Variants in AMBRA1 observed in about 807,000 individuals in gnomAD.
AMBRA1 encodes the protein autophagy and beclin 1 regulator 1.
Under a neutral mutation model 125.4 loss-of-function variants are expected in AMBRA1, and 47 were observed. That is an observed-to-expected ratio of 0.37 (90% CI 0.30 to 0.48). AMBRA1 has a LOEUF of 0.48. AMBRA1 is among the 20% of genes least tolerant of loss of function. AMBRA1 has a pLI of 0.99. For missense variants in AMBRA1, 1,331 were observed against 1,693.4 expected (o/e 0.79, Z 3.76); for synonymous variants, 626 against 655.5 (o/e 0.95, Z 0.69).
intron 11 of AMBRA1, among the ~76,000 whole-genome samples, chr11:46,474,143 AG>A (rs776293062): frequency 7.9e-5 from 12 of 152,008 alleles, no homozygotes; most frequent in Non-Finnish European, 1.5e-5. Flanking sequence ...TTACTGGTTC[AG>A]GGTGCTGCCC....
intron 11 of AMBRA1, among the ~76,000 whole-genome samples, chr11:46,471,870 C>T (rs112145742): frequency 1.4e-4 from 22 of 152,138 alleles, no homozygotes; most frequent in Non-Finnish European, 2.2e-4. Context: ...TCATGATCCA[C>T]CCACCTCGGC....
intron 11 of AMBRA1, among the ~76,000 whole-genome samples, chr11:46,481,504 C>A (rs953667270): frequency 7.9e-5 from 12 of 152,290 alleles, no homozygotes; most frequent in Middle Eastern, 3.4e-3. Context: ...GCTGGGATTA[C>A]AGGCATGCGT....
At chr11:46,589,002 A>T (rs138803423) in intron 1 of AMBRA1, among the ~76,000 whole-genome samples, 1 of 152,296 alleles carries the variant, frequency 6.6e-6, no homozygotes, top group East Asian at 1.9e-4. Context: ...ATAAGTAATA[A>T]ATGAAATAAC....
chr11:46,474,467 C>A (rs778387097), intron 11 of AMBRA1, among the ~76,000 whole-genome samples: 4 of 152,130 alleles, frequency 2.6e-5, no homozygotes, highest in African/African-American at 9.7e-5. Flanking sequence ...CGGCTCACTG[C>A]AACCTCCACC....
At position 46,552,309 on chromosome 11, in the gene AMBRA1, T is replaced by C. The variant is rs575563870; in HGVS notation, c.-120-3809A>G. On this transcript the variant is annotated intron_variant, in intron 1 of 17. Transcript: ENST00000683756. ...GCTTGAACCCAGGAGGCTGAGGCTG[T>C]AGTGAGCCAAGATGGCACCACTGCA... Among the ~76,000 whole-genome samples the C allele has an allele frequency of 2.4e-4, 31 of 129,796 alleles. No individual in the cohort carries two copies. In the South Asian group the frequency reaches 7.1e-3, roughly 30 times the overall value. The allele number at this position is 129,796 out of a possible 152,430, so 85.2% of individuals were successfully genotyped here. A position where few individuals can be genotyped will look rare whatever the true frequency, so the allele number is the denominator to read the frequency against.
At chr11:46,401,756 C>T (rs1421539543) in intron 17 of AMBRA1, among the ~76,000 whole-genome samples, 3 of 152,256 alleles carry the variant, frequency 2.0e-5, no homozygotes, top group Non-Finnish European at 2.9e-5. Flanking sequence ...GGGCTTCTTG[C>T]TTCCAGTCTC....
chr11:46,545,850 G>C, intron 4 of AMBRA1, 74 bp from the exon 5 acceptor site: 8 of 1,457,866 alleles, frequency 5.5e-6, no homozygotes, highest in Non-Finnish European at 7.6e-6. Context: ...TTCAAGAAAG[G>C]TCCATTTAAG....
intron 12 of AMBRA1, among the ~76,000 whole-genome samples, chr11:46,441,965 A>C (rs1948031868): frequency 1.3e-5 from 2 of 150,628 alleles, no homozygotes; most frequent in South Asian, 2.1e-4. Context: ...CAAAAAAAAA[A>C]AAAACTTTTT....
intron 5 of AMBRA1, among the ~76,000 whole-genome samples, chr11:46,544,257 G>A (rs180795428): frequency 1.7e-3 from 257 of 152,196 alleles, no homozygotes; most frequent in African/African-American, 5.8e-3. Context: ...CAAAAATAAC[G>A]ATTTCACATG....
chr11:46,585,055 C>T (rs980116186), intron 1 of AMBRA1, among the ~76,000 whole-genome samples: 2 of 144,234 alleles, frequency 1.4e-5, no homozygotes, highest in Admixed American at 6.7e-5. Flanking sequence ...GGCGACTGTG[C>T]TCTCTGTGCT....
intron 17 of AMBRA1, among the ~76,000 whole-genome samples, chr11:46,407,549 C>T (rs1946084324): frequency 6.6e-6 from 1 of 152,224 alleles, no homozygotes; most frequent in Non-Finnish European, 1.5e-5. Context: ...ATGGTCATGG[C>T]CCCAGCGAGG....
intron 7 of AMBRA1, chr11:46,518,158 G>C (rs541217097): frequency 4.1e-6 from 4 of 969,780 alleles, no homozygotes; most frequent in Non-Finnish European, 4.9e-6. Context: ...GGCCAGGCGC[G>C]GTGGCTCACG....
intron 1 of AMBRA1, among the ~76,000 whole-genome samples, chr11:46,575,869 C>G (rs1015646740): frequency 2.0e-5 from 3 of 152,156 alleles, no homozygotes; most frequent in Non-Finnish European, 4.4e-5. Context: ...GTCATGTGCA[C>G]CCTCACCTGA....
intron 12 of AMBRA1, among the ~76,000 whole-genome samples, chr11:46,441,800 A>C (rs189847540): frequency 2.6e-5 from 4 of 152,202 alleles, no homozygotes; most frequent in Admixed American, 2.6e-4. Context: ...AGGAGGTTTG[A>C]CCTTTCAACA....
At chr11:46,526,022 A>G (rs973022852) in intron 7 of AMBRA1, among the ~76,000 whole-genome samples, 1 of 152,158 alleles carries the variant, frequency 6.6e-6, no homozygotes, top group East Asian at 1.9e-4. Flanking sequence ...CCTGACCAAC[A>G]TGGAGAAACC....
chr11:46,545,171 G>C lies in AMBRA1; in HGVS notation c.551+433C>G, dbSNP rs866896183. Among the ~76,000 whole-genome samples the C allele has an allele frequency of 5.4e-3, 759 of 140,906 alleles. 40 individuals carry two copies. The highest frequency in any genetic ancestry group is 7.1e-3 in the Non-Finnish European group (459 of 64,338). The allele number at this position is 140,906 out of a possible 152,430, so 92.4% of individuals were successfully genotyped here. Reference sequence around the variant, plus strand: ...AAAAAAAAAAAAAGCCGGGGGGGGGGGGGTGGTGGTGGGCATGGTGGCTCA... The same window carrying C: ...AAAAAAAAAAAAAGCCGGGGGGGGGCGGGTGGTGGTGGGCATGGTGGCTCA... On this transcript the variant is annotated intron_variant, in intron 5 of 17. Coordinates refer to ENST00000683756, the MANE Select transcript of AMBRA1 (RefSeq NM_001387011.1).
At chr11:46,444,971 T>C (rs1471731871) in intron 11 of AMBRA1, among the ~76,000 whole-genome samples, 1 of 151,966 alleles carries the variant, frequency 6.6e-6, no homozygotes, top group Non-Finnish European at 1.5e-5. Flanking sequence ...TAACAGTTCA[T>C]TTCCAAAATG....
At chr11:46,459,630 G>C (rs778021583) in intron 11 of AMBRA1, among the ~76,000 whole-genome samples, 1 of 151,494 alleles carries the variant, frequency 6.6e-6, no homozygotes, top group Non-Finnish European at 1.5e-5. Flanking sequence ...AGAATTGCTC[G>C]GACCTGGGAG....
chr11:46,507,129 A>G (rs1035580099), intron 9 of AMBRA1, among the ~76,000 whole-genome samples: 6 of 129,250 alleles, frequency 4.6e-5, no homozygotes. Flanking sequence ...GTGAGCCGAG[A>G]TTGTGCCACT....
Sources: gnomAD v4.1 joint callset for allele counts (sites outside exome capture counted in the v4.1 genomes callset) on GRCh38, gnomAD v4.1.1 for gene constraint, MANE v1.5 for transcripts, NCBI Gene and HGNC (gene_info 2026-07-23, HGNC 2026-07-21) for gene names.